DNAAF10: variants seen among roughly 807,000 people sequenced by gnomAD.
DNAAF10 encodes the protein WD repeat domain 92.
A neutral mutation model predicts 43.7 loss-of-function variants in DNAAF10; 28 were observed. The ratio of observed to expected loss-of-function variants is 0.64; its 90% CI spans 0.48 to 0.88. The LOEUF is 0.88. Ranked by LOEUF, DNAAF10 falls within the 40% of genes least tolerant of loss-of-function variation. The pLI, the probability that DNAAF10 is intolerant of heterozygous loss-of-function variation, is 0.00. For missense variants in DNAAF10, 403 were observed against 439.1 expected (o/e 0.92, Z 0.73); for synonymous variants, 156 against 157.3 (o/e 0.99, Z 0.06).
chr2:68,157,514 C>T lies in DNAAF10; in HGVS notation c.-71G>A. ...CAAAAACGGCAACCTGGAAACCAGA[C>T]TCCAAACATTGGCAATTTGTCCCTC... On this transcript the variant is annotated 5_prime_UTR_variant, in exon 1 of 8. Transcript: ENST00000295121. 2 of 1,602,900 alleles carry T rather than the reference C, an allele frequency of 1.2e-6. No homozygotes were observed. Among genetic ancestry groups the T allele is most frequent in the Non-Finnish European group, 1.7e-6 (2 of 1,169,788 alleles).
At chr2:68,132,201 C>T (rs1002390786) in intron 7 of DNAAF10, among the ~76,000 whole-genome samples, 18 of 152,264 alleles carry the variant, frequency 1.2e-4, no homozygotes, top group South Asian at 6.2e-4. Flanking sequence ...AAGTATCACT[C>T]CTCAGAAGGC....
chr2:68,134,024 A>T, intron 7 of DNAAF10: 1 of 598,482 alleles, frequency 1.7e-6, no homozygotes, highest in Non-Finnish European at 2.1e-6. Flanking sequence ...AGAAAGATAT[A>T]ATTTTTCCCC....
chr2:68,137,194 C>T (rs1673064345), intron 6 of DNAAF10, 105 bp downstream of exon 6: 1 of 1,295,338 alleles, frequency 7.7e-7, no homozygotes, highest in Non-Finnish European at 1.0e-6. Context: ...AAAAATAGCT[C>T]CCTTCACATA....
At chr2:68,137,504 A>G in intron 5 of DNAAF10, 71 bp from the exon 6 acceptor site, 2 of 1,316,808 alleles carry the variant, frequency 1.5e-6, no homozygotes, top group Non-Finnish European at 2.0e-6. Flanking sequence ...ATACTAAGTA[A>G]AACAGCTTTA....
Position 68,157,470 on chromosome 2 carries a change from C to A in DNAAF10, c.-27G>T. The A allele has an allele frequency of 1.9e-6, 3 of 1,614,098 alleles. No homozygotes were observed. The highest frequency in any genetic ancestry group is 2.5e-6 in the Non-Finnish European group (3 of 1,179,992). Reference sequence around the variant, plus strand: ...GTGCAGCCAATTTCAGCTACGGCAACCGCCACACCCAGAGCCCCCAAAAAC... The same window carrying A: ...GTGCAGCCAATTTCAGCTACGGCAAACGCCACACCCAGAGCCCCCAAAAAC... On this transcript the variant is annotated 5_prime_UTR_variant, in exon 1 of 8. Coordinates refer to ENST00000295121, the MANE Select transcript of DNAAF10 (RefSeq NM_138458.4).
chr2:68,150,824 C>T (rs1221838772), intron 1 of DNAAF10, among the ~76,000 whole-genome samples: 1 of 152,176 alleles, frequency 6.6e-6, no homozygotes, highest in Non-Finnish European at 1.5e-5. Flanking sequence ...ATGTAAAAAT[C>T]GGAATCTCTA....
At chr2:68,156,330 C>T (rs1673610527) in intron 1 of DNAAF10, among the ~76,000 whole-genome samples, 1 of 146,948 alleles carries the variant, frequency 6.8e-6, no homozygotes, top group Non-Finnish European at 1.5e-5. Flanking sequence ...AGCAGATTCT[C>T]TCCATAGGTT....
At chr2:68,148,299 G>A (rs1323834573) in intron 1 of DNAAF10, among the ~76,000 whole-genome samples, 1 of 152,126 alleles carries the variant, frequency 6.6e-6, no homozygotes, top group Non-Finnish European at 1.5e-5. Context: ...GTACAGATTT[G>A]CCGAACTCAT....
intron 1 of DNAAF10, 197 bp downstream of exon 1, chr2:68,157,064 G>T (rs917045206): frequency 2.6e-6 from 2 of 773,204 alleles, no homozygotes; most frequent in Non-Finnish European, 2.0e-6. Flanking sequence ...GGTTGGGCGC[G>T]GAGGAACTAC....
rs1455981447 is a variant in DNAAF10, at chr2:68,129,905, A to G, written c.*1333T>C. ...GTTTATTCATAAAATGCATTTTTAA[A>G]GTATGACCAAAAATAAGACTACAAA... On this transcript the variant is annotated 3_prime_UTR_variant, in exon 8 of 8. Coordinates refer to ENST00000295121, the MANE Select transcript of DNAAF10 (RefSeq NM_138458.4). The G allele has an allele frequency of 6.6e-6, 1 of 152,060 alleles. No individual in the cohort carries two copies. Among genetic ancestry groups the G allele is most frequent in the Non-Finnish European group, 1.5e-5 (1 of 67,986 alleles). 9.4% of individuals were successfully genotyped at this position (152,060 alleles called of 1,614,324 possible).
intron 6 of DNAAF10, 70 bp from the exon 7 acceptor site, chr2:68,134,869 T>C: frequency 6.5e-7 from 1 of 1,537,268 alleles, no homozygotes; most frequent in Non-Finnish European, 8.9e-7. Flanking sequence ...ACGCTGCAAA[T>C]AAAAAACTCT....
rs1337297802 is a variant in DNAAF10 at position 68,141,685 on chromosome 2, A to G, written c.517+9T>C. On this transcript the variant is annotated intron_variant, in intron 4 of 7. Coordinates refer to ENST00000295121, the MANE Select transcript of DNAAF10 (RefSeq NM_138458.4). ...ATAATTCAAATGCAAGAATTCTTCAATAATTTACCAAATGCCACAGTCCAA... is the reference window on the plus strand; with the variant it reads ...ATAATTCAAATGCAAGAATTCTTCAGTAATTTACCAAATGCCACAGTCCAA... 1.2e-6 allele frequency: 2 copies of G among 1,609,812 alleles called. No homozygotes were observed. The highest frequency in any genetic ancestry group is 1.1e-5 in the South Asian group (1 of 89,652).
chr2:68,141,846 T>C (rs1317766947), intron 3 of DNAAF10, 51 bp from the exon 4 acceptor site: 1 of 1,464,854 alleles, frequency 6.8e-7, no homozygotes, highest in African/African-American at 1.4e-5. Flanking sequence ...AATGATTATG[T>C]TTCTTTTCTA....
At chr2:68,134,832 T>C in intron 6 of DNAAF10, 33 bp from the exon 7 acceptor site, 4 of 1,611,824 alleles carry the variant, frequency 2.5e-6, no homozygotes, top group Non-Finnish European at 3.4e-6. Context: ...AACTGGTTTA[T>C]ATGCTAAATG....
At chr2:68,146,517 T>C (rs1322600031) in intron 2 of DNAAF10, among the ~76,000 whole-genome samples, 1 of 152,222 alleles carries the variant, frequency 6.6e-6, no homozygotes, top group Non-Finnish European at 1.5e-5. Context: ...ATATTTTGAA[T>C]ACTCTTGTGT....
chr2:68,155,961 T>G (rs1442972327), intron 1 of DNAAF10, among the ~76,000 whole-genome samples: 1 of 151,428 alleles, frequency 6.6e-6, no homozygotes, highest in East Asian at 1.9e-4. Context: ...AAATAAAAAG[T>G]ACAAAAAAAT....
chr2:68,144,429 G>A (rs1202284116), intron 3 of DNAAF10, among the ~76,000 whole-genome samples, 156 bp downstream of exon 3: 1 of 152,172 alleles, frequency 6.6e-6, no homozygotes, highest in East Asian at 1.9e-4. Flanking sequence ...CGAGAGATAA[G>A]CAATCAAACT....
chr2:68,141,572 C>T lies in DNAAF10; in HGVS notation c.517+122G>A, dbSNP rs1673180684. ...TGACATTAACCACCACGTGTATTTG[C>T]CTCAGTAAACTATTAGAATAATCCA... On this transcript the variant is annotated intron_variant, in intron 4 of 7. Coordinates refer to ENST00000295121, the MANE Select transcript of DNAAF10 (RefSeq NM_138458.4). The T allele has an allele frequency of 4.6e-6, 4 of 866,708 alleles. No individual in the cohort carries two copies. The East Asian group carries it at 1.1e-4, about 23-fold the overall frequency. The allele number at this position is 866,708 out of a possible 1,614,324, so 53.7% of individuals were successfully genotyped here.
rs995479144 is a variant in DNAAF10 at position 68,138,793 on chromosome 2, T to G, written c.582A>C (p.Leu194=). ...GTAATGCCATATTTCTGAGATCAAATAGTTTGATATCCCCATTGTCATAGC... is the reference window on the plus strand; with the variant it reads ...GTAATGCCATATTTCTGAGATCAAAGAGTTTGATATCCCCATTGTCATAGC... ...CAGYDNGDIK[L]FDLRNMALRW... Residue 194 remains leucine, a synonymous_variant, in exon 5 of 8, where the codon CTA becomes CTC. Transcript: ENST00000295121. 6.2e-7 allele frequency: 1 copy of G among 1,614,170 alleles called. No homozygotes were observed. The highest frequency in any genetic ancestry group is 8.5e-7 in the Non-Finnish European group (1 of 1,180,006).
Sources: gnomAD v4.1 joint callset for allele counts (sites outside exome capture counted in the v4.1 genomes callset) on GRCh38, gnomAD v4.1.1 for gene constraint, MANE v1.5 for transcripts, NCBI Gene and HGNC (gene_info 2026-07-23, HGNC 2026-07-21) for gene names.